CIROP: variants seen among roughly 807,000 people sequenced by gnomAD.
CIROP encodes ciliated left-right organizer metallopeptidase.
chr14:23,102,260 G>T, the CIROP span: 1 of 702,778 alleles, frequency 1.4e-6, no homozygotes, highest in South Asian at 1.5e-5. Context: ...GAGGACAGAA[G>T]GCCCTCCTGG....
chr14:23,104,463 C>T, the CIROP span: 1 of 702,956 alleles, frequency 1.4e-6, no homozygotes, highest in African/African-American at 1.7e-5. Flanking sequence ...AAGCAGGGGT[C>T]CTTGCACTGG....
the CIROP span, chr14:23,103,047 G>A: frequency 5.5e-6 from 3 of 544,396 alleles, no homozygotes; most frequent in Non-Finnish European, 9.7e-6. Context: ...GGCTATGACA[G>A]AGGGCTGTGG....
At chr14:23,104,312 T>C in the CIROP span, 110,574 of 695,226 alleles carry the variant, frequency 0.16, 9,766 homozygotes, top group South Asian at 0.24. Context: ...AATGAAGATC[T>C]GTAGGTGAGC....
At chr14:23,101,958 C>T in the CIROP span, 1 of 701,356 alleles carries the variant, frequency 1.4e-6, no homozygotes, top group African/African-American at 1.7e-5. Flanking sequence ...AAATGAAGCC[C>T]AAACATCCTT....
At chr14:23,102,120 G>T in the CIROP span, 4 of 702,866 alleles carry the variant, frequency 5.7e-6, no homozygotes, top group Admixed American at 6.0e-5. Context: ...CCTCTGCAGC[G>T]CTGTGGTTGA....
At chr14:23,102,176 C>T in the CIROP span, 9 of 702,792 alleles carry the variant, frequency 1.3e-5, no homozygotes, top group Admixed American at 2.0e-5. Context: ...GTGATTGGGT[C>T]GAGTCGAGTG....
At chr14:23,103,588 A>AAAACC in the CIROP span, 1 of 631,312 alleles carries the variant, frequency 1.6e-6, no homozygotes, top group African/African-American at 1.9e-5. Flanking sequence ...AAAACAAAAC[A>AAAACC]AAACTGCTTT....
At chr14:23,100,604 C>A in the CIROP span, 1 of 401,612 alleles carries the variant, frequency 2.5e-6, no homozygotes. Context: ...AACTGAAGGC[C>A]CTTGGCAGCC....
chr14:23,102,307 CCTTT>C, the CIROP span: 1 of 702,368 alleles, frequency 1.4e-6, no homozygotes, highest in Non-Finnish European at 2.6e-6. Context: ...GCTGGCTACT[CCTTT>C]CTTCCATCAC....
the CIROP span, chr14:23,099,292 C>T: frequency 2.4e-6 from 1 of 413,366 alleles, no homozygotes; most frequent in East Asian, 3.6e-5. Flanking sequence ...TCACACCTCC[C>T]TTATTCCTCT....
At chr14:23,100,979 G>A in the CIROP span, 1 of 398,996 alleles carries the variant, frequency 2.5e-6, no homozygotes, top group East Asian at 3.6e-5. Context: ...TGGATCTGGG[G>A]TTGAAAGACT....
the CIROP span, chr14:23,104,893 GC>G: frequency 9.9e-6 from 6 of 606,982 alleles, no homozygotes; most frequent in South Asian, 8.3e-5. Flanking sequence ...GGCGGCAGCA[GC>G]AGCAGCAGCA....
chr14:23,102,083 A>T, the CIROP span: 1 of 702,890 alleles, frequency 1.4e-6, no homozygotes, highest in Middle Eastern at 2.3e-4. Context: ...GGTCTCCCTT[A>T]TTCCTCACCC....
the CIROP span, chr14:23,102,957 C>A: frequency 5.0e-6 from 3 of 596,916 alleles, no homozygotes; most frequent in South Asian, 2.1e-5. Context: ...GAGGCTGGGG[C>A]TGGTGAGATG....
At chr14:23,104,144 G>T in the CIROP span, 3 of 594,952 alleles carry the variant, frequency 5.0e-6, no homozygotes, top group Non-Finnish European at 9.0e-6. Flanking sequence ...TTCTTCCCTG[G>T]TGTACTTATT....
chr14:23,104,510 G>A, the CIROP span: 219 of 702,890 alleles, frequency 3.1e-4, 1 homozygote, highest in African/African-American at 3.4e-3. Context: ...CCCATATCTT[G>A]GAATTCCAGT....
chr14:23,101,885 T>G, the CIROP span: 3 of 702,376 alleles, frequency 4.3e-6, no homozygotes, highest in Non-Finnish European at 7.8e-6. Context: ...CCACATGTGG[T>G]CACCAAGCCA....
chr14:23,103,698 G>A, the CIROP span: 1 of 702,948 alleles, frequency 1.4e-6, no homozygotes, highest in South Asian at 1.5e-5. Context: ...TTGGAAGTGT[G>A]AGCAACTCGC....
the CIROP span, chr14:23,102,818 C>G: frequency 1.5e-6 from 1 of 671,506 alleles, no homozygotes; most frequent in South Asian, 1.6e-5. Context: ...GTTTGAGGCA[C>G]CTTCTATTCC....
Sources: allele counts gnomAD v4.1 joint callset, GRCh38; gene constraint gnomAD v4.1.1; transcripts MANE v1.5; gene names NCBI Gene and HGNC (gene_info 2026-07-23, HGNC 2026-07-21).